PNPLA1: variants seen among roughly 807,000 people sequenced by gnomAD.
PNPLA1 encodes the protein patatin like domain 1, omega-hydroxyceramide transacylase.
In PNPLA1, 36 loss-of-function variants were observed where a neutral mutation model predicts 51.7. The ratio of observed to expected loss-of-function variants is 0.70; its 90% CI spans 0.53 to 0.92. The LOEUF (loss-of-function observed/expected upper bound fraction) is 0.92. PNPLA1 is among the 40% of genes least tolerant of loss of function. PNPLA1 has a pLI of 0.00. For missense variants in PNPLA1, 658 were observed against 682.5 expected, an observed-to-expected ratio of 0.96 and a Z score of 0.40; for synonymous variants, 293 against 280.1, an observed-to-expected ratio of 1.05 and a Z score of -0.46.
intron 1 of PNPLA1, among the ~76,000 whole-genome samples, chr6:36,280,268 G>A (rs988808803): frequency 9.2e-5 from 14 of 152,178 alleles, no homozygotes; most frequent in African/African-American, 3.1e-4. Flanking sequence ...GTTTTTCATG[G>A]TAATTGTGAG....
chr6:36,294,314 A>T lies in PNPLA1; in HGVS notation c.629A>T (p.Asp210Val), dbSNP rs1340181023. The change falls in exon 4 of 9, where the codon GAC (aspartate) becomes GTC (valine). Residue 210 changes from aspartate (D) to valine (V), a missense_variant. By Grantham distance (152) the Asp-to-Val change is radical. Transcript: ENST00000636260. This position sits in a 1 kb window ranked among gnomAD's most constrained non-coding sequence, Gnocchi z 4.2. ...CPRDCPAIFH[D>V]FRMFNCSFQF... ...CGGGACTGCCCGGCCATCTTCCACG[A>T]CTTCCGCATGTTCAACTGCTCCTTC... The T allele has an allele frequency of 1.2e-6, 2 of 1,614,126 alleles. No individual in the cohort carries two copies.
chr6:36,293,087 G>T lies in PNPLA1; in HGVS notation c.465G>T (p.Pro155=). 1 of 1,614,026 alleles carries T rather than the reference G, an allele frequency of 6.2e-7. No homozygotes were observed. The highest frequency in any genetic ancestry group is 8.5e-7 in the Non-Finnish European group (1 of 1,179,954). Residue 155 remains proline, a synonymous_variant, in exon 3 of 9, where the codon CCG becomes CCT. Coordinates refer to ENST00000636260, the MANE Select transcript of PNPLA1 (RefSeq NM_001374623.1). ...CCCTATACTGCAGCTGCTTCGTCCC[G>T]GTGTACTGTGGCCTCATCCCCCCGA... ...IEALYCSCFV[P]VYCGLIPPTY... is the part of the protein sequence containing the mutation.
In PNPLA1 at chr6:36,302,267, T is replaced by C. The variant is rs775021664; in HGVS notation, c.1182T>C (p.Pro394=). The change falls in exon 6 of 9, where the codon CCT becomes CCC. Residue 394 remains proline (P), a synonymous_variant. Coordinates refer to ENST00000636260, the MANE Select transcript of PNPLA1 (RefSeq NM_001374623.1). ...TPGSSLPTPP[P]GLSPLSPQQQ... ...GTTCATCACTGCCCACCCCACCACC[T>C]GGACTGTCACCTCTGTCACCTCAGC... is the stretch of plus-strand genomic sequence containing the variant. The C allele has an allele frequency of 1.2e-6, 2 of 1,614,156 alleles. No homozygotes were observed. Among genetic ancestry groups the C allele is most frequent in the Non-Finnish European group, 1.7e-6 (2 of 1,180,020 alleles).
intron 1 of PNPLA1, among the ~76,000 whole-genome samples, chr6:36,284,379 G>T (rs1770412802): frequency 6.6e-6 from 1 of 152,236 alleles, no homozygotes; most frequent in South Asian, 2.1e-4. Context: ...ATAGGTCAGA[G>T]TTGTTTTGCT....
Position 36,295,381 on chromosome 6 carries a change from C to T in PNPLA1, c.732C>T (p.Tyr244=). 2 of 1,614,234 alleles carry T rather than the reference C, an allele frequency of 1.2e-6. No homozygotes were observed. The highest frequency in any genetic ancestry group is 1.7e-6 in the Non-Finnish European group (2 of 1,180,036). The change falls in exon 5 of 9, where the codon TAC becomes TAT. Residue 244 remains tyrosine (Y), a synonymous_variant. Coordinates refer to ENST00000636260, the MANE Select transcript of PNPLA1 (RefSeq NM_001374623.1). The part of the protein sequence containing the change: ...PPDLVILHDY[Y]YRGYEDAVLY... The stretch of plus-strand genomic sequence containing the variant: ...GCCCACAGATCCTGCACGATTACTA[C>T]TACCGAGGGTACGAGGATGCAGTTT...
rs565830623 is a variant in PNPLA1, at chr6:36,307,529, A to T, written c.1470-58A>T. ...CACCTGCGGAGCTGAGCAGGCCACCATGTTGGAGGACCGAGGTCAGGCCCA... is the reference window on the plus strand; with the variant it reads ...CACCTGCGGAGCTGAGCAGGCCACCTTGTTGGAGGACCGAGGTCAGGCCCA... On this transcript the variant is annotated intron_variant, in intron 7 of 8. Coordinates refer to ENST00000636260, the MANE Select transcript of PNPLA1 (RefSeq NM_001374623.1). 155 of 1,590,682 alleles carry T rather than the reference A, an allele frequency of 9.7e-5. No individual in the cohort carries two copies. In the African/African-American group the frequency reaches 1.1e-3, roughly 11 times the overall value.
At chr6:36,273,369 T>G (rs1174475524) in intron 1 of PNPLA1, among the ~76,000 whole-genome samples, 1 of 152,022 alleles carries the variant, frequency 6.6e-6, no homozygotes, top group Non-Finnish European at 1.5e-5. Context: ...TAGGCATGGA[T>G]CTTTCCAGAT....
chr6:36,308,096 G>C lies in PNPLA1; in HGVS notation c.1595+384G>C, dbSNP rs146627469. 0.014 allele frequency: 2,198 copies of C among 157,048 alleles called. 21 individuals are homozygous for C. Among genetic ancestry groups the C allele is most frequent in the Non-Finnish European group, 0.021 (1,497 of 71,052 alleles). The allele number at this position is 157,048 out of a possible 1,614,324, so 9.7% of individuals were successfully genotyped here. ...GCTACTTAAATACAAAACTGGACAG[G>C]CCAGGCATGGTGGCTCATGCCTGTA... is the stretch of plus-strand genomic sequence containing the variant. On this transcript the variant is annotated intron_variant, in intron 8 of 8. Coordinates refer to ENST00000636260, the MANE Select transcript of PNPLA1 (RefSeq NM_001374623.1).
At chr6:36,289,323 G>A (rs1222727242) in intron 1 of PNPLA1, among the ~76,000 whole-genome samples, 2 of 152,128 alleles carry the variant, frequency 1.3e-5, no homozygotes, top group African/African-American at 4.8e-5. Flanking sequence ...TCCCTGCCCT[G>A]GCTTGACTCC....
chr6:36,291,571 GAGGGAGGGACACGGAGGGGGC>G lies in PNPLA1; in HGVS notation c.438+20_438+40del. ...CATTGAGGCAAGGGGGCTGGGCTGGGAGGGAGGGACACGGAGGGGGCGGGGGAGGGCGGCTCCTGCTCTTTC... is the reference window on the plus strand; with the variant it reads ...CATTGAGGCAAGGGGGCTGGGCTGGGGGGGGAGGGCGGCTCCTGCTCTTTC... On this transcript the variant is annotated intron_variant, in intron 2 of 8. Transcript: ENST00000636260. 1.8e-5 allele frequency: 18 copies of G among 981,942 alleles called. No homozygotes were observed. Among genetic ancestry groups the G allele is most frequent in the East Asian group, 8.6e-5 (3 of 34,904 alleles). 60.8% of individuals were successfully genotyped at this position (981,942 alleles called of 1,614,324 possible). A position where few individuals can be genotyped will look rare whatever the true frequency, so the allele number is the denominator to read the frequency against.
chr6:36,291,281 G>A (rs1443807371), intron 1 of PNPLA1, 39 bp from the exon 2 acceptor site: 3 of 1,568,442 alleles, frequency 1.9e-6, no homozygotes, highest in Admixed American at 1.7e-5. Flanking sequence ...TGGCCACTGG[G>A]TGGCACCGAC....
intron 1 of PNPLA1, among the ~76,000 whole-genome samples, chr6:36,283,741 G>A (rs79226258): frequency 0.054 from 8,151 of 152,296 alleles, 261 homozygotes; most frequent in East Asian, 0.099. Flanking sequence ...GATTGACAGA[G>A]CACACTGCCT....
At position 36,291,428 on chromosome 6, in the gene PNPLA1, A is replaced by G; in HGVS notation, c.314A>G (p.Tyr105Cys). 1 of 1,614,070 alleles carries G rather than the reference A, an allele frequency of 6.2e-7. No individual in the cohort carries two copies. Among genetic ancestry groups the G allele is most frequent in the South Asian group, 1.1e-5 (1 of 91,078 alleles). ...GTGCAGATGATGAGGCAGTTTCTGT[A>G]CCGGGTCCTGCCCGAGGACTCCTAC... ...KMVQMMRQFL[Y>C]RVLPEDSYKV... Residue 105 changes from tyrosine to cysteine, a missense_variant, in exon 2 of 9, where the codon TAC (tyrosine) becomes TGC (cysteine). By Grantham distance (194) the Tyr-to-Cys change is radical (BLOSUM62 -2). Coordinates refer to ENST00000636260, the MANE Select transcript of PNPLA1 (RefSeq NM_001374623.1).
intron 1 of PNPLA1, among the ~76,000 whole-genome samples, chr6:36,270,914 G>A (rs998963646): frequency 2.0e-5 from 3 of 152,192 alleles, no homozygotes; most frequent in Non-Finnish European, 4.4e-5. Flanking sequence ...GCCCTTACCT[G>A]TGAGATGCTC....
chr6:36,283,129 C>T (rs1183243975), intron 1 of PNPLA1, among the ~76,000 whole-genome samples: 1 of 152,162 alleles, frequency 6.6e-6, no homozygotes, highest in Non-Finnish European at 1.5e-5. Flanking sequence ...AACCATGGTC[C>T]ATTTGCCAAC....
chr6:36,252,557 AAAC>A (rs1769445207), intron 1 of PNPLA1, among the ~76,000 whole-genome samples: 1 of 142,100 alleles, frequency 7.0e-6, no homozygotes, highest in African/African-American at 2.7e-5. Flanking sequence ...AAAAAAAAAA[AAAC>A]CCAGGCACTG....
At chr6:36,304,771 C>T (rs1169490241) in intron 6 of PNPLA1, among the ~76,000 whole-genome samples, 2 of 152,140 alleles carry the variant, frequency 1.3e-5, no homozygotes, top group Non-Finnish European at 2.9e-5. Context: ...CCTGAGCAAT[C>T]CTGCACCCCA....
At chr6:36,245,423 ATGT>A (rs1432252528) in intron 1 of PNPLA1, among the ~76,000 whole-genome samples, 1 of 152,156 alleles carries the variant, frequency 6.6e-6, no homozygotes, top group Non-Finnish European at 1.5e-5. Context: ...CTTGCTTATC[ATGT>A]TGTTCATTTA....
Position 36,294,195 on chromosome 6 carries a change from CATCGA to C in PNPLA1, c.511_515del (p.Ile171TrpfsTer92), listed in dbSNP as rs776994596. 2 of 1,614,076 alleles carry C rather than the reference CATCGA, an allele frequency of 1.2e-6. No homozygotes were observed. The highest frequency in any genetic ancestry group is 1.7e-6 in the Non-Finnish European group (2 of 1,179,998). On this transcript the variant is annotated frameshift_variant, in exon 4 of 9. Transcript: ENST00000636260. LOFTEE classifies it high-confidence loss of function. This position sits in a 1 kb window ranked among gnomAD's most constrained non-coding sequence, Gnocchi z 4.2. The stretch of plus-strand genomic sequence containing the variant: ...TTCTCACTCTGCCCCCACAGAGGTA[CATCGA>C]TGGGGGCTTCACGGGCATGCAGCCC...
Sources: allele counts gnomAD v4.1 joint callset (sites outside exome capture counted in the v4.1 genomes callset), GRCh38; gene constraint gnomAD v4.1.1; non-coding constraint Gnocchi (gnomAD v3.1); transcripts MANE v1.5; gene names NCBI Gene and HGNC (gene_info 2026-07-23, HGNC 2026-07-21).